The following TMEM135 variants were observed in gnomAD, a reference collection of about 807,000 sequenced individuals.
TMEM135 encodes the protein peroxisomal membrane protein 52.
In TMEM135, 30 loss-of-function variants were observed where a neutral mutation model predicts 60.3. The observed-to-expected ratio is 0.50, with a 90% CI of 0.37 to 0.68. TMEM135 has a LOEUF of 0.68. Among genes scored for constraint, TMEM135 ranks in the 30% least tolerant of loss-of-function variants. The probability of loss-of-function intolerance (pLI) is 0.00; values close to 1 mark genes in which losing one functional copy is unlikely to be tolerated. For missense variants in TMEM135, 468 were observed against 548.8 expected (o/e 0.85, Z 1.47); for synonymous variants, 190 against 186.7 (o/e 1.02, Z -0.14).
In TMEM135 at chr11:87,326,854, A is replaced by C. The variant is rs1942919540; in HGVS notation, c.*5521A>C. On this transcript the variant is annotated 3_prime_UTR_variant, in exon 15 of 15. Coordinates refer to ENST00000305494, the MANE Select transcript of TMEM135 (RefSeq NM_022918.4). ...TAGCACTAAGGCTCTCTTCAGAACCAAAGGGCAGGATAAATAAATCTATGA... is the reference window on the plus strand; with the variant it reads ...TAGCACTAAGGCTCTCTTCAGAACCCAAGGGCAGGATAAATAAATCTATGA... 2.2e-6 allele frequency: 1 copy of C among 452,460 alleles called. No individual in the cohort carries two copies. The highest frequency in any genetic ancestry group is 2.0e-5 in the African/African-American group (1 of 49,766). The allele number at this position is 452,460 out of a possible 1,614,324, so 28.0% of individuals were successfully genotyped here.
At chr11:87,241,819 C>A (rs1193497345) in intron 6 of TMEM135, among the ~76,000 whole-genome samples, 1 of 150,210 alleles carries the variant, frequency 6.7e-6, no homozygotes, top group East Asian at 1.9e-4. Flanking sequence ...GAGTCCCATC[C>A]ATGTTGCTGC....
intron 4 of TMEM135, among the ~76,000 whole-genome samples, chr11:87,114,486 T>C (rs1187863038): frequency 6.6e-6 from 1 of 152,090 alleles, no homozygotes; most frequent in African/African-American, 2.4e-5. Context: ...AGTCCAAATA[T>C]GAAACAGTAG....
chr11:87,197,307 A>C (rs1288862137), intron 5 of TMEM135, among the ~76,000 whole-genome samples: 2 of 152,116 alleles, frequency 1.3e-5, no homozygotes, highest in African/African-American at 4.8e-5. Flanking sequence ...TTAATGCAAG[A>C]AATTCTAATT....
intron 5 of TMEM135, among the ~76,000 whole-genome samples, chr11:87,172,872 A>G (rs921121895): frequency 2.6e-5 from 4 of 151,904 alleles, no homozygotes; most frequent in Non-Finnish European, 5.9e-5. Flanking sequence ...AAATAATTAA[A>G]TAATATTTAA....
Position 87,325,503 on chromosome 11 carries a change from C to CCT in TMEM135, c.*4185_*4186dup, listed in dbSNP as rs142700961. ...GTTTTATGTGGGCTCTCTCTCTCTC[C>CCT]CTCTCTCTCTCTCTCTGTCTGTCTC... is the stretch of plus-strand genomic sequence containing the variant. On this transcript the variant is annotated 3_prime_UTR_variant, in exon 15 of 15. Transcript: ENST00000305494. The CCT allele has an allele frequency of 1.9e-4, 85 of 444,348 alleles. No individual in the cohort carries two copies. Among genetic ancestry groups the CCT allele is most frequent in the South Asian group, 1.0e-3 (63 of 62,888 alleles). The allele number at this position is 444,348 out of a possible 1,614,324, so 27.5% of individuals were successfully genotyped here.
chr11:87,161,871 G>T (rs485113), intron 5 of TMEM135, among the ~76,000 whole-genome samples: 9,519 of 152,216 alleles, frequency 0.063, 390 homozygotes, highest in South Asian at 0.12. Context: ...AAATATACCT[G>T]CCTGTTAATT....
intron 1 of TMEM135, among the ~76,000 whole-genome samples, chr11:87,038,964 A>G (rs1248622941): frequency 1.3e-5 from 2 of 152,202 alleles, no homozygotes; most frequent in African/African-American, 4.8e-5. Flanking sequence ...CTTTTTTTCA[A>G]TAATCTTATC....
At chr11:87,100,368 G>A (rs1160042456) in intron 4 of TMEM135, among the ~76,000 whole-genome samples, 1 of 152,122 alleles carries the variant, frequency 6.6e-6, no homozygotes, top group Non-Finnish European at 1.5e-5. Flanking sequence ...TTTACTACAT[G>A]AAGAGGGTGC....
At chr11:87,314,592 C>G in intron 12 of TMEM135, 45 bp downstream of exon 12, 2 of 1,466,910 alleles carry the variant, frequency 1.4e-6, no homozygotes, top group Non-Finnish European at 1.9e-6. Context: ...GAACATAAAG[C>G]TTTTAGCTGC....
chr11:87,233,013 T>G (rs1940921329), intron 5 of TMEM135, among the ~76,000 whole-genome samples: 1 of 152,066 alleles, frequency 6.6e-6, no homozygotes, highest in African/African-American at 2.4e-5. Flanking sequence ...TAGCTGGGTG[T>G]GGTGACACAT....
At chr11:87,261,587 C>G (rs562745586) in intron 6 of TMEM135, among the ~76,000 whole-genome samples, 1 of 152,118 alleles carries the variant, frequency 6.6e-6, no homozygotes, top group African/African-American at 2.4e-5. Flanking sequence ...TTGTACTTCT[C>G]TCTTTTTAGT....
At chr11:87,217,368 G>C (rs1278279364) in intron 5 of TMEM135, among the ~76,000 whole-genome samples, 1 of 151,930 alleles carries the variant, frequency 6.6e-6, no homozygotes, top group African/African-American at 2.4e-5. Flanking sequence ...TGAAGGGCTG[G>C]GTTTGTGGAA....
chr11:87,108,886 T>G (rs185062666), intron 4 of TMEM135, among the ~76,000 whole-genome samples: 80 of 152,350 alleles, frequency 5.3e-4, no homozygotes, highest in Middle Eastern at 3.4e-3. Context: ...TATTGTGCTA[T>G]GTCCAAACAG....
intron 1 of TMEM135, among the ~76,000 whole-genome samples, chr11:87,064,728 CA>C (rs796752710): frequency 3.3e-5 from 5 of 152,144 alleles, no homozygotes; most frequent in African/African-American, 1.2e-4. Context: ...ACTAAAAATA[CA>C]AAAAATTAGC....
rs1942692082 is a variant in TMEM135 at position 87,314,487 on chromosome 11, A to G, written c.1017A>G (p.Ile339Met). The G allele has an allele frequency of 6.2e-7, 1 of 1,610,476 alleles. No individual in the cohort carries two copies. Among genetic ancestry groups the G allele is most frequent in the South Asian group, 1.1e-5 (1 of 91,022 alleles). The change falls in exon 12 of 15, where the codon ATA becomes ATG. Residue 339 changes from isoleucine to methionine, a missense_variant. By Grantham distance (10) the Ile-to-Met change is conservative (BLOSUM62 1). Transcript: ENST00000305494. ...HAIIAGFLAG[I>M]SMMFYKSTTI... ...TTGTTTCAGGATTTTTGGCAGGTAT[A>G]TCAATGATGTTTTATAAAAGCACAA...
At chr11:87,251,382 A>T (rs1472881421) in intron 6 of TMEM135, among the ~76,000 whole-genome samples, 1 of 152,140 alleles carries the variant, frequency 6.6e-6, no homozygotes, top group Non-Finnish European at 1.5e-5. Flanking sequence ...CATTATAAAT[A>T]CCTTGTTAAA....
intron 5 of TMEM135, among the ~76,000 whole-genome samples, chr11:87,182,715 T>C (rs552426737): frequency 2.8e-4 from 42 of 152,290 alleles, no homozygotes; most frequent in African/African-American, 9.6e-4. Context: ...TTTTTGTGTT[T>C]TTTAACTGTT....
intron 5 of TMEM135, among the ~76,000 whole-genome samples, chr11:87,190,323 C>T (rs1418798462): frequency 6.6e-6 from 1 of 152,078 alleles, no homozygotes; most frequent in African/African-American, 2.4e-5. Context: ...AGAAAACCAT[C>T]TGGTTAAAAG....
intron 4 of TMEM135, among the ~76,000 whole-genome samples, chr11:87,145,285 T>C (rs925509792): frequency 4.6e-5 from 7 of 152,348 alleles, no homozygotes; most frequent in Non-Finnish European, 1.0e-4. Context: ...GTGAATAGTA[T>C]TCCATAGTGT....
Sources: allele counts gnomAD v4.1 joint callset (sites outside exome capture counted in the v4.1 genomes callset), GRCh38; gene constraint gnomAD v4.1.1; transcripts MANE v1.5; gene names NCBI Gene and HGNC (gene_info 2026-07-23, HGNC 2026-07-21).